PTPRN2: variants seen among roughly 807,000 people sequenced by gnomAD.
PTPRN2 encodes receptor-type tyrosine-protein phosphatase N2.
A neutral mutation model predicts 118.8 loss-of-function variants in PTPRN2; 74 were observed. The ratio of observed to expected loss-of-function variants is 0.62; its 90% CI spans 0.52 to 0.76. The LOEUF (loss-of-function observed/expected upper bound fraction) is 0.76, where lower values mean the gene tolerates loss of function less well. PTPRN2 is among the 30% of genes least tolerant of loss of function. The pLI is 0.00. For missense variants in PTPRN2, 1,481 were observed against 1,394.4 expected (o/e 1.06, Z -0.99); for synonymous variants, 641 against 608.0 (o/e 1.05, Z -0.80).
At chr7:158,090,736 C>T (rs910100780) in intron 10 of PTPRN2, among the ~76,000 whole-genome samples, 9 of 152,162 alleles carry the variant, frequency 5.9e-5, no homozygotes, top group African/African-American at 1.2e-4. Flanking sequence ...AAGAGTTCTG[C>T]GTAAAAGGCC....
intron 10 of PTPRN2, among the ~76,000 whole-genome samples, chr7:158,083,788 T>C (rs1813028224): frequency 6.6e-6 from 1 of 152,114 alleles, no homozygotes; most frequent in Non-Finnish European, 1.5e-5. Flanking sequence ...CCCAGGTGCC[T>C]GCGGTCACGG....
At chr7:158,110,103 C>G (rs1816101408) in intron 10 of PTPRN2, among the ~76,000 whole-genome samples, 1 of 152,208 alleles carries the variant, frequency 6.6e-6, no homozygotes, top group Non-Finnish European at 1.5e-5. Flanking sequence ...GGTGGGCACA[C>G]AGCCCGGGCC....
intron 1 of PTPRN2, among the ~76,000 whole-genome samples, chr7:158,581,820 A>G (rs1467348520): frequency 2.6e-5 from 4 of 152,258 alleles, no homozygotes; most frequent in African/African-American, 9.6e-5. Context: ...TTACACACAC[A>G]GAAGCCGTTC....
rs189594640 is a variant in PTPRN2 at position 158,486,661 on chromosome 7, G to A, written c.163+3074C>T. On this transcript the variant is annotated intron_variant, in intron 2 of 22. Coordinates refer to ENST00000389418, the MANE Select transcript of PTPRN2 (RefSeq NM_002847.5). ...GGGTCACTTTAAAGTTTCCAATCAC[G>A]ACTTCCTCCTGAGGGAGCTGGCCTA... 7.6e-4 allele frequency among the ~76,000 whole-genome samples: 116 copies of A among 152,264 alleles called. 3 individuals carry two copies. In the East Asian group the frequency reaches 0.018, roughly 24 times the overall value.
intron 3 of PTPRN2, among the ~76,000 whole-genome samples, chr7:158,272,955 G>A (rs1170447711): frequency 1.3e-5 from 2 of 152,166 alleles, no homozygotes; most frequent in African/African-American, 4.8e-5. Flanking sequence ...CCACGGTTTG[G>A]GACTCTCGTT....
chr7:157,585,533 T>C lies in PTPRN2; in HGVS notation c.2497-7393A>G, dbSNP rs898754616. Among the ~76,000 whole-genome samples the C allele has an allele frequency of 1.4e-4, 21 of 152,320 alleles. No individual in the cohort carries two copies. Among genetic ancestry groups the C allele is most frequent in the Admixed American group, 1.4e-3 (21 of 15,306 alleles). ...TTTGTGTGACCACCGTGGGTGCCTT[T>C]GTGATCAGGCATTGGACCCGCACAG... On this transcript the variant is annotated intron_variant, in intron 17 of 22. Coordinates refer to ENST00000389418, the MANE Select transcript of PTPRN2 (RefSeq NM_002847.5). The surrounding 1 kb of genome is among the most constrained non-coding windows in gnomAD (Gnocchi z 5.2).
At chr7:158,523,763 TCTACC>T (rs1209210377) in intron 1 of PTPRN2, among the ~76,000 whole-genome samples, 8 of 62,144 alleles carry the variant, frequency 1.3e-4, no homozygotes, top group Admixed American at 6.0e-4. Context: ...AGTGGAGTCG[TCTACC>T]CTGGAGTGGA....
chr7:157,877,008 G>A (rs1795807409), intron 12 of PTPRN2, among the ~76,000 whole-genome samples: 1 of 152,206 alleles, frequency 6.6e-6, no homozygotes. Context: ...GGAACCCCAG[G>A]CCTGAGTGTG....
At chr7:157,963,012 G>A (rs1801650984) in intron 11 of PTPRN2, among the ~76,000 whole-genome samples, 1 of 152,212 alleles carries the variant, frequency 6.6e-6, no homozygotes, top group Non-Finnish European at 1.5e-5. Context: ...TTTAAATGGG[G>A]TGATGAGGCC....
At chr7:158,021,609 C>T (rs903198602) in intron 11 of PTPRN2, among the ~76,000 whole-genome samples, 2 of 151,948 alleles carry the variant, frequency 1.3e-5, no homozygotes, top group Non-Finnish European at 2.9e-5. Flanking sequence ...AGGCGCTGCC[C>T]ACCAGCCAAG....
At chr7:158,211,666 A>T (rs750082104) in intron 3 of PTPRN2, among the ~76,000 whole-genome samples, 2 of 152,226 alleles carry the variant, frequency 1.3e-5, no homozygotes, top group Admixed American at 1.3e-4. Context: ...CTACAATGAG[A>T]TATCATCTCA....
At chr7:158,160,729 C>T (rs1181676692) in intron 6 of PTPRN2, among the ~76,000 whole-genome samples, 1 of 152,128 alleles carries the variant, frequency 6.6e-6, no homozygotes, top group Non-Finnish European at 1.5e-5. Context: ...GAGGGACATG[C>T]TTTTATACAT....
At chr7:157,761,812 C>A (rs1449386027) in intron 12 of PTPRN2, among the ~76,000 whole-genome samples, 6 of 151,186 alleles carry the variant, frequency 4.0e-5, no homozygotes, top group Non-Finnish European at 5.9e-5. Flanking sequence ...AGTGAACAGG[C>A]AACCTACAGA....
chr7:158,587,018 C>G (rs1563460672), intron 1 of PTPRN2, among the ~76,000 whole-genome samples: 1 of 152,078 alleles, frequency 6.6e-6, no homozygotes, highest in South Asian at 2.1e-4. Context: ...GACAGAGAGG[C>G]GCGCGACCCG....
intron 12 of PTPRN2, among the ~76,000 whole-genome samples, chr7:157,880,499 C>T (rs552556698): frequency 3.3e-5 from 5 of 152,292 alleles, no homozygotes; most frequent in Admixed American, 2.0e-4. Context: ...CATCATGTGG[C>T]GTTGGCAGAA....
intron 1 of PTPRN2, among the ~76,000 whole-genome samples, chr7:158,492,562 T>C (rs1821537416): frequency 6.6e-6 from 1 of 152,202 alleles, no homozygotes; most frequent in African/African-American, 2.4e-5. Context: ...AGAGGACTGA[T>C]GAGAAGTGAC....
chr7:157,830,926 A>G (rs1380928967), intron 12 of PTPRN2, among the ~76,000 whole-genome samples: 1 of 152,180 alleles, frequency 6.6e-6, no homozygotes, highest in Middle Eastern at 3.2e-3. Context: ...GATGATGCAG[A>G]CACTCCCTTT....
rs1455938700 is a variant in PTPRN2, at chr7:157,604,068, G to A, written c.2352C>T (p.His784=). 1.9e-6 allele frequency: 3 copies of A among 1,613,730 alleles called. No individual in the cohort carries two copies. The Admixed American group carries it at 5.0e-5, about 27-fold the overall frequency. ...TCTCCGCCTTCAGCAGGACCCGGGAGTGGTCATCTGCAAGGACACAGTGCA... is the reference window on the plus strand; with the variant it reads ...TCTCCGCCTTCAGCAGGACCCGGGAATGGTCATCTGCAAGGACACAGTGCA... ...NRSLAVLTYD[H]SRVLLKAENS... Residue 784 remains histidine (H), a synonymous_variant, in exon 16 of 23, where the codon CAC becomes CAT. Transcript: ENST00000389418.
At chr7:157,703,242 C>G (rs1211348657) in intron 12 of PTPRN2, among the ~76,000 whole-genome samples, 3 of 152,206 alleles carry the variant, frequency 2.0e-5, no homozygotes, top group Non-Finnish European at 4.4e-5. Flanking sequence ...GCAAAGGCAG[C>G]AGAGATGGCT....
Sources: gnomAD v4.1 joint callset for allele counts (sites outside exome capture counted in the v4.1 genomes callset) on GRCh38, gnomAD v4.1.1 for gene constraint, Gnocchi (gnomAD v3.1) non-coding constraint, MANE v1.5 for transcripts, NCBI Gene and HGNC (gene_info 2026-07-23, HGNC 2026-07-21) for gene names.